The following NSD1 variants were observed in gnomAD, a reference collection of about 807,000 sequenced individuals.
NSD1 encodes nuclear receptor binding SET domain protein 1.
NSD1 carries 26 observed loss-of-function variants against 242.7 expected under a neutral mutation model. That is an observed-to-expected ratio of 0.11 (90% confidence interval 0.08 to 0.15). NSD1 has a LOEUF of 0.15. NSD1 is among the 10% of genes least tolerant of loss of function. The pLI is 1.00. For synonymous variants in NSD1, 1,106 were observed against 1,178.1 expected, an observed-to-expected ratio of 0.94 and a Z score of 1.25; for missense variants, 2,495 against 3,272.8, an observed-to-expected ratio of 0.76 and a Z score of 5.80.
chr5:177,208,699 CTTAA>C (rs561781385), intron 4 of NSD1, among the ~76,000 whole-genome samples: 54 of 150,684 alleles, frequency 3.6e-4, no homozygotes, highest in East Asian at 2.0e-3. Context: ...CTTCATATTC[CTTAA>C]TTAATTAATT....
intron 2 of NSD1, among the ~76,000 whole-genome samples, chr5:177,150,328 A>G (rs1757601967): frequency 6.6e-6 from 1 of 151,866 alleles, no homozygotes; most frequent in African/African-American, 2.4e-5. Flanking sequence ...ACAGGTTTTC[A>G]CTGTGTTGTC....
intron 3 of NSD1, among the ~76,000 whole-genome samples, chr5:177,197,763 C>CG (rs1169205187): frequency 3.3e-5 from 5 of 152,174 alleles, no homozygotes; most frequent in Non-Finnish European, 7.3e-5. Flanking sequence ...GCTGGGACCA[C>CG]TGTAGTTTAA....
At chr5:177,224,947 A>G (rs919069942) in intron 5 of NSD1, among the ~76,000 whole-genome samples, 1 of 151,854 alleles carries the variant, frequency 6.6e-6, no homozygotes, top group African/African-American at 2.4e-5. Context: ...CATATGATGT[A>G]TTATATTGAT....
chr5:177,290,053 C>T (rs943542585), intron 21 of NSD1, among the ~76,000 whole-genome samples: 1 of 151,810 alleles, frequency 6.6e-6, no homozygotes, highest in African/African-American at 2.4e-5. Context: ...TGGTCTCGAT[C>T]TCCTGACCTC....
intron 5 of NSD1, among the ~76,000 whole-genome samples, chr5:177,220,158 G>A (rs1265866587): frequency 6.6e-6 from 1 of 152,042 alleles, no homozygotes; most frequent in Non-Finnish European, 1.5e-5. Flanking sequence ...ATCTCCTTGT[G>A]TTACTCTATT....
At position 177,210,620 on chromosome 5, in the gene NSD1, A is replaced by C. The variant is rs756187680; in HGVS notation, c.2221A>C (p.Lys741Gln). The change falls in exon 5 of 23, where the codon AAA becomes CAA. Residue 741 changes from lysine (K) to glutamine (Q), a missense_variant. Coordinates refer to ENST00000439151, the MANE Select transcript of NSD1 (RefSeq NM_022455.5). ...TCTGAAGGCATCTACTCTTGTTCACAAACCCCAGTCAGATTTTACAAATGA... is the reference window on the plus strand; with the variant it reads ...TCTGAAGGCATCTACTCTTGTTCACCAACCCCAGTCAGATTTTACAAATGA... ...SDLKASTLVH[K>Q]PQSDFTNDAL... 4 of 1,614,168 alleles carry C rather than the reference A, an allele frequency of 2.5e-6. No homozygotes were observed. The highest frequency in any genetic ancestry group is 2.5e-6 in the Non-Finnish European group (3 of 1,180,038).
chr5:177,283,683 G>A lies in NSD1; in HGVS notation c.6010-104G>A, dbSNP rs77309295. 0.051 allele frequency: 67,198 copies of A among 1,311,618 alleles called. 2,074 individuals are homozygous for A. Among genetic ancestry groups the A allele is most frequent in the South Asian group, 0.084 (7,058 of 83,992 alleles). The allele number at this position is 1,311,618 out of a possible 1,614,324, so 81.2% of individuals were successfully genotyped here. A position where few individuals can be genotyped will look rare whatever the true frequency, so the allele number is the denominator to read the frequency against. On this transcript the variant is annotated intron_variant, in intron 19 of 22. Coordinates refer to ENST00000439151, the MANE Select transcript of NSD1 (RefSeq NM_022455.5). The stretch of plus-strand genomic sequence containing the variant: ...TGGGATCTTTTCTCTGAGAGGTTCA[G>A]TCTTTACAAATAGAAACTCCAACTT...
chr5:177,266,338 C>G (rs944889930), intron 14 of NSD1: 1 of 713,874 alleles, frequency 1.4e-6, no homozygotes, highest in African/African-American at 1.7e-5. Context: ...TACTGGAACA[C>G]TCGATGCCGA....
At chr5:177,168,173 A>G (rs1341299025) in intron 2 of NSD1, among the ~76,000 whole-genome samples, 1 of 152,190 alleles carries the variant, frequency 6.6e-6, no homozygotes, top group East Asian at 1.9e-4. Flanking sequence ...AATGTTTTGT[A>G]ATTTTCACTG....
At chr5:177,202,069 G>A (rs1181019576) in intron 3 of NSD1, among the ~76,000 whole-genome samples, 2 of 151,914 alleles carry the variant, frequency 1.3e-5, no homozygotes, top group Non-Finnish European at 2.9e-5. Context: ...TTGGGAGGCT[G>A]AGGCGGGAGA....
At chr5:177,158,302 TTTTCTTTCTTTTC>T (rs1758363100) in intron 2 of NSD1, among the ~76,000 whole-genome samples, 1 of 124,088 alleles carries the variant, frequency 8.1e-6, no homozygotes, top group Non-Finnish European at 1.8e-5. Flanking sequence ...TCTTTCTTTC[TTTTCTTTCTTTTC>T]TTTCTTTTCT....
At chr5:177,206,184 G>A (rs1222010298) in intron 4 of NSD1, among the ~76,000 whole-genome samples, 1 of 152,116 alleles carries the variant, frequency 6.6e-6, no homozygotes, top group Non-Finnish European at 1.5e-5. Context: ...ATTTTTAGTA[G>A]AGACAGGGTT....
chr5:177,251,731 A>G lies in NSD1; in HGVS notation c.4643A>G (p.Asn1548Ser). ...TAGATGTTTTCTTTCTCTTAACAGA[A>G]TTGTGAAAAATTGGGTGAGCTGCTG... ...GAALKENVCQ[N>S]CEKLGELLLC... Residue 1548 changes from asparagine (N) to serine (S), a missense_variant and splice_region_variant, in exon 12 of 23, where the codon AAT becomes AGT. Asn to Ser is a conservative substitution (Grantham distance 46). Around this residue, in one of 19 missense-constraint regions of NSD1, gnomAD observed 5 missense variants for 40.8 expected, o/e 0.12. Transcript: ENST00000439151. 1 of 1,614,172 alleles carries G rather than the reference A, an allele frequency of 6.2e-7. No homozygotes were observed. The highest frequency in any genetic ancestry group is 8.5e-7 in the Non-Finnish European group (1 of 1,179,988).
intron 2 of NSD1, among the ~76,000 whole-genome samples, chr5:177,180,657 T>C (rs1344293196): frequency 6.6e-6 from 1 of 152,064 alleles, no homozygotes; most frequent in Non-Finnish European, 1.5e-5. Context: ...CTCTTGTTTT[T>C]CTTTTTATTA....
At chr5:177,254,123 T>C (rs1329280130) in intron 12 of NSD1, among the ~76,000 whole-genome samples, 1 of 152,008 alleles carries the variant, frequency 6.6e-6, no homozygotes, top group Non-Finnish European at 1.5e-5. Flanking sequence ...AATTTTTGGA[T>C]TTTTAGTGGA....
chr5:177,136,732 T>A (rs1314926365), intron 2 of NSD1: 1 of 516,406 alleles, frequency 1.9e-6, no homozygotes, highest in Non-Finnish European at 3.5e-6. Flanking sequence ...TAGCTGGGAT[T>A]ACTGGTACCC....
chr5:177,147,006 C>CA lies in NSD1; in HGVS notation c.927+10992dup, dbSNP rs61004413. Among the ~76,000 whole-genome samples the CA allele has an allele frequency of 1.9e-3, 260 of 136,228 alleles. 1 individual carries two copies. The highest frequency in any genetic ancestry group is 2.8e-3 in the African/African-American group (102 of 36,838). The allele number at this position is 136,228 out of a possible 152,430, so 89.4% of individuals were successfully genotyped here. A position where few individuals can be genotyped will look rare whatever the true frequency, so the allele number is the denominator to read the frequency against. On this transcript the variant is annotated intron_variant, in intron 2 of 22. Coordinates refer to ENST00000439151, the MANE Select transcript of NSD1 (RefSeq NM_022455.5). ...TGGGTGACAGAGTATGTCTCTGTCT[C>CA]AAAAAAAAAAAAAAAAGTTGCTAAA...
At chr5:177,181,845 G>A (rs1377516232) in intron 2 of NSD1, among the ~76,000 whole-genome samples, 2 of 150,074 alleles carry the variant, frequency 1.3e-5, no homozygotes, top group East Asian at 2.0e-4. Context: ...GAGGCCATCC[G>A]GGGAAACATA....
intron 16 of NSD1, among the ~76,000 whole-genome samples, chr5:177,272,355 C>A (rs1188992893): frequency 1.3e-5 from 2 of 151,822 alleles, no homozygotes; most frequent in South Asian, 4.2e-4. Context: ...TTAGATGACT[C>A]CATGGAACAC....
Sources: allele counts gnomAD v4.1 joint callset (sites outside exome capture counted in the v4.1 genomes callset), GRCh38; gene constraint gnomAD v4.1.1; regional missense constraint gnomAD v4.1.1; transcripts MANE v1.5; gene names NCBI Gene and HGNC (gene_info 2026-07-23, HGNC 2026-07-21).